PPP2R3A: variants seen among roughly 807,000 people sequenced by gnomAD.
PPP2R3A encodes protein phosphatase 2 regulatory subunit B''alpha.
Under a neutral mutation model 106.9 loss-of-function variants are expected in PPP2R3A, and 80 were observed. The observed-to-expected ratio is 0.75, with a 90% CI of 0.62 to 0.90. The LOEUF is 0.90. Among genes scored for constraint, PPP2R3A ranks in the 40% least tolerant of loss-of-function variants. The pLI, the probability that PPP2R3A is intolerant of heterozygous loss-of-function variation, is 0.00. For missense variants in PPP2R3A, 1,386 were observed against 1,350.4 expected (o/e 1.03, Z -0.41); for synonymous variants, 483 against 468.3 (o/e 1.03, Z -0.41).
chr3:136,002,033 A>G lies in PPP2R3A; in HGVS notation c.535A>G (p.Ser179Gly). The G allele has an allele frequency of 1.9e-6, 3 of 1,613,998 alleles. No individual in the cohort carries two copies. The South Asian group carries it at 3.3e-5, about 18-fold the overall frequency. ...GNAPSFGLLR[S>G]SSVEEKPLSH... The stretch of plus-strand genomic sequence containing the variant: ...CGCCCCATCCTTTGGTTTACTGCGG[A>G]GTTCCTCAGTTGAGGAAAAACCTTT... Residue 179 changes from serine to glycine, a missense_variant, in exon 2 of 14, where the codon AGT (serine) becomes GGT (glycine). Coordinates refer to ENST00000264977, the MANE Select transcript of PPP2R3A (RefSeq NM_002718.5).
intron 13 of PPP2R3A, among the ~76,000 whole-genome samples, chr3:136,126,933 G>A (rs1036170324): frequency 6.6e-6 from 1 of 152,170 alleles, no homozygotes; most frequent in Non-Finnish European, 1.5e-5. Context: ...CTGACTGTTA[G>A]AAGGAAAACT....
At position 136,103,382 on chromosome 3, in the gene PPP2R3A, AGT is replaced by A. The variant is rs1937429581; in HGVS notation, c.3222+7_3222+8del. On this transcript the variant is annotated splice_region_variant and intron_variant, in intron 12 of 13. Coordinates refer to ENST00000264977, the MANE Select transcript of PPP2R3A (RefSeq NM_002718.5). ...ATCCCTTTGCGGTCCAGAAGGTAAC[AGT>A]ATAATTTTAACTTTTATTTGAGGGC... 1 of 1,560,696 alleles carries A rather than the reference AGT, an allele frequency of 6.4e-7. No individual in the cohort carries two copies. Among genetic ancestry groups the A allele is most frequent in the African/African-American group, 1.4e-5 (1 of 73,420 alleles).
intron 12 of PPP2R3A, among the ~76,000 whole-genome samples, chr3:136,105,208 G>T (rs1042550513): frequency 3.9e-5 from 6 of 152,230 alleles, no homozygotes; most frequent in Non-Finnish European, 7.3e-5. Flanking sequence ...ATTTGCCAGC[G>T]AATGGGGGCT....
chr3:136,018,905 A>C (rs1934369584), intron 2 of PPP2R3A, among the ~76,000 whole-genome samples: 1 of 152,110 alleles, frequency 6.6e-6, no homozygotes, highest in Non-Finnish European at 1.5e-5. Context: ...CTTGTTCTGG[A>C]GAAAGATATA....
chr3:136,067,151 G>A (rs1936284380), intron 5 of PPP2R3A, among the ~76,000 whole-genome samples: 2 of 152,178 alleles, frequency 1.3e-5, no homozygotes, highest in African/African-American at 4.8e-5. Context: ...TGTTGCAGAT[G>A]ACAGTAAAGT....
At chr3:136,022,853 T>C (rs941388131) in intron 2 of PPP2R3A, 4 of 1,334,574 alleles carry the variant, frequency 3.0e-6, no homozygotes, top group Non-Finnish European at 3.8e-6. Flanking sequence ...TGAGCAGGTA[T>C]TGGGAGCCAC....
intron 11 of PPP2R3A, among the ~76,000 whole-genome samples, chr3:136,102,785 A>G (rs1937410784): frequency 6.6e-6 from 1 of 152,164 alleles, no homozygotes; most frequent in Non-Finnish European, 1.5e-5. Context: ...GTGAGTAGCC[A>G]CTGCACTCCA....
At chr3:136,132,354 A>T (rs1938460147) in intron 13 of PPP2R3A, among the ~76,000 whole-genome samples, 1 of 152,150 alleles carries the variant, frequency 6.6e-6, no homozygotes, top group Non-Finnish European at 1.5e-5. Flanking sequence ...GATGTGACCT[A>T]CAAATTGAAA....
At chr3:136,043,352 A>G (rs545616025) in intron 4 of PPP2R3A, among the ~76,000 whole-genome samples, 167 of 152,200 alleles carry the variant, frequency 1.1e-3, no homozygotes, top group African/African-American at 3.7e-3. Flanking sequence ...CCAGCTACTC[A>G]GGAGGCTGAG....
Position 136,082,324 on chromosome 3 carries a change from T to C in PPP2R3A, c.2691T>C (p.Tyr897=). The change falls in exon 8 of 14, where the codon TAT becomes TAC. Residue 897 remains tyrosine (Y), a synonymous_variant. Coordinates refer to ENST00000264977, the MANE Select transcript of PPP2R3A (RefSeq NM_002718.5). The part of the protein sequence containing the change: ...DINQITDYFS[Y]EHFYVIYCKF... ...ACCAAATTACAGATTACTTCTCCTA[T>C]GAACATTTCTATGTTATTTATTGTA... The C allele has an allele frequency of 1.2e-6, 2 of 1,605,320 alleles. No homozygotes were observed. Among genetic ancestry groups the C allele is most frequent in the South Asian group, 1.1e-5 (1 of 90,888 alleles).
intron 13 of PPP2R3A, among the ~76,000 whole-genome samples, chr3:136,114,916 C>T (rs910742440): frequency 1.3e-5 from 2 of 152,164 alleles, no homozygotes; most frequent in African/African-American, 4.8e-5. Context: ...CCTCCCAGCA[C>T]AACGTTTGAG....
At chr3:136,144,586 G>T (rs1939026661) in intron 13 of PPP2R3A, among the ~76,000 whole-genome samples, 1 of 152,074 alleles carries the variant, frequency 6.6e-6, no homozygotes, top group South Asian at 2.1e-4. Flanking sequence ...GCCTGAACCT[G>T]GGAGGCAGAG....
intron 9 of PPP2R3A, among the ~76,000 whole-genome samples, chr3:136,088,916 T>C (rs535252175): frequency 2.6e-5 from 4 of 152,004 alleles, no homozygotes; most frequent in South Asian, 4.1e-4. Flanking sequence ...TCATGTCCTT[T>C]GCCCATTTTT....
At chr3:135,982,149 A>G (rs1937547185) in intron 1 of PPP2R3A, among the ~76,000 whole-genome samples, 1 of 151,752 alleles carries the variant, frequency 6.6e-6, no homozygotes, top group Non-Finnish European at 1.5e-5. Context: ...GTCTTACTGA[A>G]TGAGTTTATA....
intron 8 of PPP2R3A, among the ~76,000 whole-genome samples, chr3:136,086,186 T>C (rs1936923630): frequency 6.6e-6 from 1 of 150,586 alleles, no homozygotes; most frequent in Non-Finnish European, 1.5e-5. Context: ...GCTTTGCGTA[T>C]TTAAGAAATA....
chr3:136,097,755 CAA>C (rs1437944895), intron 10 of PPP2R3A, among the ~76,000 whole-genome samples: 1 of 151,996 alleles, frequency 6.6e-6, no homozygotes, highest in Non-Finnish European at 1.5e-5. Flanking sequence ...TTTCAAGACA[CAA>C]AGAGATCTTA....
chr3:136,122,269 T>G (rs887849855), intron 13 of PPP2R3A, among the ~76,000 whole-genome samples: 5 of 152,140 alleles, frequency 3.3e-5, no homozygotes. Flanking sequence ...TATGGTGAAC[T>G]ATGATCACAC....
At chr3:136,031,734 T>C (rs1191908986) in intron 3 of PPP2R3A, among the ~76,000 whole-genome samples, 1 of 152,212 alleles carries the variant, frequency 6.6e-6, no homozygotes, top group African/African-American at 2.4e-5. Context: ...TAGCCAATTA[T>C]CCCAGCACCA....
At chr3:135,993,775 T>C (rs1405126155) in intron 1 of PPP2R3A, among the ~76,000 whole-genome samples, 2 of 152,204 alleles carry the variant, frequency 1.3e-5, no homozygotes, top group Non-Finnish European at 2.9e-5. Flanking sequence ...GAATGTACAA[T>C]TGATAACATA....
Sources: allele counts gnomAD v4.1 joint callset (sites outside exome capture counted in the v4.1 genomes callset), GRCh38; gene constraint gnomAD v4.1.1; transcripts MANE v1.5; gene names NCBI Gene and HGNC (gene_info 2026-07-23, HGNC 2026-07-21).